WDR59: variants seen among roughly 807,000 people sequenced by gnomAD.
The protein encoded by WDR59 is WD repeat domain 59.
Under a neutral mutation model 131.2 loss-of-function variants are expected in WDR59, and 100 were observed. The observed-to-expected ratio is 0.76, with a 90% CI of 0.65 to 0.90. The LOEUF (loss-of-function observed/expected upper bound fraction) is 0.90, where lower values mean the gene tolerates loss of function less well. Among genes scored for constraint, WDR59 ranks in the 40% least tolerant of loss-of-function variants. The pLI is 0.00. For missense variants in WDR59, 1,203 were observed against 1,262.2 expected (o/e 0.95, Z 0.71); for synonymous variants, 601 against 466.2 (o/e 1.29, Z -3.72).
At chr16:74,899,104 A>G (rs1965427089) in intron 18 of WDR59, among the ~76,000 whole-genome samples, 1 of 152,228 alleles carries the variant, frequency 6.6e-6, no homozygotes, top group African/African-American at 2.4e-5. Flanking sequence ...GAAATGGCCA[A>G]TAGGAGTAAG....
intron 1 of WDR59, among the ~76,000 whole-genome samples, chr16:74,966,879 A>G (rs1212102602): frequency 6.6e-6 from 1 of 152,226 alleles, no homozygotes; most frequent in East Asian, 1.9e-4. Context: ...CAATGAGTCC[A>G]AAGAATGTGC....
intron 1 of WDR59, among the ~76,000 whole-genome samples, chr16:74,978,454 G>C (rs1389694466): frequency 6.6e-6 from 1 of 152,042 alleles, no homozygotes; most frequent in African/African-American, 2.4e-5. Flanking sequence ...CTGTGCAACT[G>C]CACTCCAGCC....
intron 1 of WDR59, among the ~76,000 whole-genome samples, chr16:74,979,853 T>C (rs1398181855): frequency 7.3e-6 from 1 of 137,064 alleles, no homozygotes; most frequent in Non-Finnish European, 1.6e-5. Context: ...TTTTTTTTTT[T>C]TTTTTTTTTC....
intron 3 of WDR59, among the ~76,000 whole-genome samples, chr16:74,953,071 A>G (rs1419995548): frequency 6.6e-6 from 1 of 152,152 alleles, no homozygotes; most frequent in East Asian, 1.9e-4. Flanking sequence ...CCCACATTAT[A>G]GATGAGGCAA....
intron 25 of WDR59, among the ~76,000 whole-genome samples, chr16:74,877,594 G>A (rs1964277765): frequency 1.3e-5 from 2 of 152,108 alleles, no homozygotes; most frequent in Non-Finnish European, 2.9e-5. Flanking sequence ...ACCCAGGCTG[G>A]AGTGCAATGG....
chr16:74,918,646 G>A (rs1199925573), intron 10 of WDR59, among the ~76,000 whole-genome samples: 1 of 152,168 alleles, frequency 6.6e-6, no homozygotes, highest in East Asian at 1.9e-4. Flanking sequence ...GGTTCAGGGT[G>A]CTTTATGAAA....
At chr16:74,954,570 C>A (rs2033186959) in intron 3 of WDR59, among the ~76,000 whole-genome samples, 1 of 152,194 alleles carries the variant, frequency 6.6e-6, no homozygotes, top group African/African-American at 2.4e-5. Context: ...GGTTTAGCCA[C>A]TGTGGAAATA....
intron 8 of WDR59, among the ~76,000 whole-genome samples, chr16:74,931,369 T>C (rs1465812880): frequency 4.6e-5 from 7 of 152,166 alleles, no homozygotes; most frequent in Non-Finnish European, 7.3e-5. Flanking sequence ...ATGGTATCCC[T>C]TTTTCAGGCA....
At chr16:74,932,237 G>T (rs2031456328) in intron 8 of WDR59, among the ~76,000 whole-genome samples, 1 of 151,368 alleles carries the variant, frequency 6.6e-6, no homozygotes, top group Non-Finnish European at 1.5e-5. Flanking sequence ...GGGATGACAG[G>T]TGCATGCTAC....
chr16:74,915,115 C>T (rs1376721391), intron 13 of WDR59, among the ~76,000 whole-genome samples: 1 of 152,190 alleles, frequency 6.6e-6, no homozygotes, highest in Non-Finnish European at 1.5e-5. Flanking sequence ...CAGGAAATGG[C>T]CAGCCTGTGA....
rs548706997 is a variant in WDR59, at chr16:74,905,404, G to A, written c.1713-1304C>T. On this transcript the variant is annotated intron_variant, in intron 17 of 25. Transcript: ENST00000262144. ...AAATAAAAAATAAAATAAATAGGCC[G>A]GGCACGGTGGCTCACGCTCGTAATC... 1.2e-4 allele frequency among the ~76,000 whole-genome samples: 17 copies of A among 145,246 alleles called. 1 individual carries two copies. Among genetic ancestry groups the A allele is most frequent in the South Asian group, 8.8e-4 (4 of 4,550 alleles).
Position 74,908,929 on chromosome 16 carries a change from G to A in WDR59, c.1691C>T (p.Ser564Phe). The A allele has an allele frequency of 1.2e-6, 2 of 1,614,142 alleles. No individual in the cohort carries two copies. The highest frequency in any genetic ancestry group is 1.3e-5 in the African/African-American group (1 of 75,048). Residue 564 changes from serine to phenylalanine, a missense_variant, in exon 17 of 26, where the codon TCT becomes TTT. Coordinates refer to ENST00000262144, the MANE Select transcript of WDR59 (RefSeq NM_030581.4). ...TRPMTMHRAV[S>F]PTEPTPRSLS... ...TCACCTCGGAGTAGGCTCTGTGGGA[G>A]ACACCGCCCGATGCATTGTCATGGG...
At chr16:74,916,396 T>G (rs953608264) in intron 11 of WDR59, 137 bp from the exon 12 acceptor site, 4 of 1,129,396 alleles carry the variant, frequency 3.5e-6, no homozygotes, top group African/African-American at 3.1e-5. Flanking sequence ...ATAATCAAAA[T>G]AGATTTTACC....
chr16:74,980,545 G>C (rs1014550800), intron 1 of WDR59, among the ~76,000 whole-genome samples: 1 of 151,596 alleles, frequency 6.6e-6, no homozygotes, highest in Non-Finnish European at 1.5e-5. Flanking sequence ...GTAGAGATGG[G>C]GTTTCACCAT....
intron 13 of WDR59, among the ~76,000 whole-genome samples, chr16:74,913,061 G>T (rs2144947015): frequency 3.0e-5 from 1 of 32,874 alleles, no homozygotes; most frequent in Non-Finnish European, 6.8e-5. Flanking sequence ...CCAGTTTATG[G>T]CTAGATTTTG....
At chr16:74,912,487 A>G in intron 13 of WDR59, 125 bp from the exon 14 acceptor site, 1 of 990,484 alleles carries the variant, frequency 1.0e-6, no homozygotes, top group Non-Finnish European at 1.4e-6. Flanking sequence ...TACAAAGACA[A>G]ATGTGTGTGG....
intron 8 of WDR59, among the ~76,000 whole-genome samples, chr16:74,934,641 G>GA (rs565622304): frequency 1.8e-3 from 271 of 152,230 alleles, no homozygotes; most frequent in African/African-American, 6.1e-3. Flanking sequence ...CTACAGATCA[G>GA]AAAAAAGTCC....
chr16:74,922,850 C>A (rs2030380876), intron 9 of WDR59, among the ~76,000 whole-genome samples: 1 of 152,168 alleles, frequency 6.6e-6, no homozygotes, highest in African/African-American at 2.4e-5. Flanking sequence ...GGCAAGCGAT[C>A]CCAGGTACAA....
At chr16:74,953,155 T>C (rs1047837472) in intron 3 of WDR59, among the ~76,000 whole-genome samples, 5 of 152,108 alleles carry the variant, frequency 3.3e-5, no homozygotes, top group African/African-American at 1.2e-4. Flanking sequence ...ACCTCAGATT[T>C]CCCTAACTAA....
Sources: gnomAD v4.1 joint callset for allele counts (sites outside exome capture counted in the v4.1 genomes callset) on GRCh38, gnomAD v4.1.1 for gene constraint, MANE v1.5 for transcripts, NCBI Gene and HGNC (gene_info 2026-07-23, HGNC 2026-07-21) for gene names.